Variants in NEXMIF observed in about 807,000 individuals in gnomAD.
The protein encoded by NEXMIF is XLMR protein related to neurite extension.
A neutral mutation model predicts 62.1 loss-of-function variants in NEXMIF; 8 were observed. The observed-to-expected ratio is 0.13, with a 90% CI of 0.08 to 0.23. The LOEUF (loss-of-function observed/expected upper bound fraction) is 0.23. Ranked by LOEUF, NEXMIF falls within the 10% of genes least tolerant of loss-of-function variation. The probability of loss-of-function intolerance (pLI) is 1.00; values close to 1 mark genes in which losing one functional copy is unlikely to be tolerated. For missense variants in NEXMIF, 976 were observed against 1,113.3 expected, an observed-to-expected ratio of 0.88 and a Z score of 1.75; for synonymous variants, 404 against 416.6, an observed-to-expected ratio of 0.97 and a Z score of 0.37.
chrX:74,805,147 CTG>C (rs1198188790), intron 1 of NEXMIF, among the ~76,000 whole-genome samples: 1 of 112,150 alleles, frequency 8.9e-6, no homozygotes, highest in African/African-American at 3.2e-5. Context: ...CAATTCAAGA[CTG>C]TATTTCCTGC....
chrX:74,735,343 G>T lies in NEXMIF; in HGVS notation c.*4062C>A, dbSNP rs757967785. On this transcript the variant is annotated 3_prime_UTR_variant, in exon 4 of 4. Coordinates refer to ENST00000055682, the MANE Select transcript of NEXMIF (RefSeq NM_001008537.3). ...GTTCTGAGAGCATCTGTAAGCTGAA[G>T]ACATGTTGGATCTACATCACACTGG... 1 of 111,874 alleles carries T rather than the reference G, an allele frequency of 8.9e-6. No homozygotes were observed. Among genetic ancestry groups the T allele is most frequent in the Non-Finnish European group, 1.9e-5 (1 of 53,190 alleles). The allele number at this position is 111,874 out of a possible 1,213,427, so 9.2% of individuals were successfully genotyped here.
chrX:74,739,397 C>T lies in NEXMIF; in HGVS notation c.*8G>A. Reference sequence around the variant, plus strand: ...AAGGCATATTTTGAAAGAAATAAAACACAAACATCAAATGTCTTTCTGGAA... The same window carrying T: ...AAGGCATATTTTGAAAGAAATAAAATACAAACATCAAATGTCTTTCTGGAA... On this transcript the variant is annotated 3_prime_UTR_variant, in exon 4 of 4. Coordinates refer to ENST00000055682, the MANE Select transcript of NEXMIF (RefSeq NM_001008537.3). 8.6e-7 allele frequency: 1 copy of T among 1,169,485 alleles called. No individual in the cohort carries two copies. The highest frequency in any genetic ancestry group is 1.8e-5 in the African/African-American group (1 of 56,074).
At chrX:74,924,500 C>A (rs1447746471) in intron 1 of NEXMIF, among the ~76,000 whole-genome samples, 1 of 113,303 alleles carries the variant, frequency 8.8e-6, no homozygotes, top group African/African-American at 3.2e-5. Flanking sequence ...GTGCCATGCC[C>A]ATGCCCCATT....
At chrX:74,834,594 G>C (rs1327260934) in intron 1 of NEXMIF, among the ~76,000 whole-genome samples, 2 of 111,662 alleles carry the variant, frequency 1.8e-5, no homozygotes, top group East Asian at 2.8e-4. Context: ...GGTAAAATAT[G>C]TTTCCTTTAG....
chrX:74,771,622 G>A (rs1302561017), intron 1 of NEXMIF, among the ~76,000 whole-genome samples: 1 of 110,806 alleles, frequency 9.0e-6, no homozygotes, highest in African/African-American at 3.3e-5. Flanking sequence ...TGGGGAGAAA[G>A]GGAAATTAAT....
chrX:74,748,293 T>C (rs2080132005), intron 1 of NEXMIF, among the ~76,000 whole-genome samples: 1 of 112,397 alleles, frequency 8.9e-6, no homozygotes, highest in Non-Finnish European at 1.9e-5. Context: ...ATTAGTAGGC[T>C]AGACCTTGAG....
intron 1 of NEXMIF, among the ~76,000 whole-genome samples, chrX:74,832,893 C>T: frequency 8.9e-6 from 1 of 111,829 alleles, no homozygotes; most frequent in Non-Finnish European, 1.9e-5. Context: ...TTAGGAAGAA[C>T]ATTGTTTAGT....
intron 3 of NEXMIF, 106 bp from the exon 4 acceptor site, chrX:74,739,604 G>A: frequency 2.1e-6 from 1 of 471,517 alleles, no homozygotes; most frequent in Non-Finnish European, 3.6e-6. Flanking sequence ...GATGCCGTAT[G>A]ATGTAGAAAA....
At chrX:74,914,873 T>C (rs140070226) in intron 1 of NEXMIF, among the ~76,000 whole-genome samples, 18 of 112,426 alleles carry the variant, frequency 1.6e-4, no homozygotes, top group African/African-American at 5.8e-4. Flanking sequence ...AAATGAATTG[T>C]TAATGCCCAA....
intron 1 of NEXMIF, among the ~76,000 whole-genome samples, chrX:74,917,930 T>C (rs2080813529): frequency 9.0e-6 from 1 of 111,679 alleles, no homozygotes. Context: ...TTGACGTTTT[T>C]GGTGAGAATG....
chrX:74,866,876 C>T (rs560634885), intron 1 of NEXMIF, among the ~76,000 whole-genome samples: 1 of 112,558 alleles, frequency 8.9e-6, no homozygotes, highest in African/African-American at 3.2e-5. Flanking sequence ...AACCTCCTTG[C>T]TTTATAAACT....
At chrX:74,921,547 G>T (rs954899859) in intron 1 of NEXMIF, among the ~76,000 whole-genome samples, 1 of 111,351 alleles carries the variant, frequency 9.0e-6, no homozygotes, top group South Asian at 3.8e-4. Context: ...ATTCTTATGG[G>T]TACGTAGTAG....
chrX:74,882,859 C>T (rs1237113119), intron 1 of NEXMIF, among the ~76,000 whole-genome samples: 2 of 112,307 alleles, frequency 1.8e-5, no homozygotes, highest in Admixed American at 1.9e-4. Flanking sequence ...TCAAGTGGGT[C>T]CCTGACCCCT....
intron 1 of NEXMIF, among the ~76,000 whole-genome samples, chrX:74,850,820 GAA>G (rs1454230969): frequency 9.1e-6 from 1 of 109,756 alleles, no homozygotes; most frequent in East Asian, 2.9e-4. Flanking sequence ...AAAAAGCAAG[GAA>G]ATATGACACC....
At chrX:74,840,122 C>T (rs759139217) in intron 1 of NEXMIF, among the ~76,000 whole-genome samples, 10 of 111,716 alleles carry the variant, frequency 9.0e-5, no homozygotes, top group Non-Finnish European at 1.5e-4. Flanking sequence ...TGGGGTGAGA[C>T]GGCATCTCAT....
At chrX:74,833,668 T>C (rs1317270203) in intron 1 of NEXMIF, among the ~76,000 whole-genome samples, 1 of 111,605 alleles carries the variant, frequency 9.0e-6, no homozygotes, top group African/African-American at 3.3e-5. Context: ...TTCCCTTCCT[T>C]TCCTTTTAGT....
intron 1 of NEXMIF, among the ~76,000 whole-genome samples, chrX:74,789,702 G>C (rs1451268198): frequency 9.1e-6 from 1 of 110,404 alleles, no homozygotes; most frequent in Non-Finnish European, 1.9e-5. Context: ...TTGTGGTTTT[G>C]ATTTACATTT....
intron 1 of NEXMIF, among the ~76,000 whole-genome samples, chrX:74,882,010 C>T (rs1217875147): frequency 9.0e-6 from 1 of 111,504 alleles, no homozygotes; most frequent in Non-Finnish European, 1.9e-5. Flanking sequence ...CCAGTTGGGC[C>T]CTTCCATGTG....
chrX:74,810,960 A>C (rs1179417732), intron 1 of NEXMIF, among the ~76,000 whole-genome samples: 1 of 111,892 alleles, frequency 8.9e-6, no homozygotes, highest in Non-Finnish European at 1.9e-5. Context: ...GAGTACCTAC[A>C]ACGCTAGGCA....
Sources: gnomAD v4.1 joint callset for allele counts (sites outside exome capture counted in the v4.1 genomes callset) on GRCh38, gnomAD v4.1.1 for gene constraint, MANE v1.5 for transcripts, NCBI Gene and HGNC (gene_info 2026-07-23, HGNC 2026-07-21) for gene names.